PRKN: variants seen among roughly 807,000 people sequenced by gnomAD.
The protein encoded by PRKN is E3 ubiquitin-protein ligase parkin.
In PRKN, 56 loss-of-function variants were observed where a neutral mutation model predicts 59.5. That is an observed-to-expected ratio of 0.94 (90% CI 0.76 to 1.18). The LOEUF is 1.18. Among genes scored for constraint, PRKN ranks in the 50% most tolerant of loss-of-function variants. PRKN has a pLI of 0.00. For synonymous variants in PRKN, 250 were observed against 222.1 expected, an observed-to-expected ratio of 1.13 and a Z score of -1.12; for missense variants, 657 against 596.4, an observed-to-expected ratio of 1.10 and a Z score of -1.06.
At chr6:162,271,281 T>C (rs113216267) in intron 2 of PRKN, 14,655 of 152,094 alleles carry the variant, frequency 0.096, 733 homozygotes, top group African/African-American at 0.13. Context: ...CTCACGTCTG[T>C]AATCCCAGCA....
chr6:162,357,380 T>C (rs1784919849), intron 2 of PRKN, among the ~76,000 whole-genome samples: 1 of 152,158 alleles, frequency 6.6e-6, no homozygotes, highest in South Asian at 2.1e-4. Context: ...CAAGTAAGCA[T>C]ATTAAAAGAT....
chr6:162,021,461 A>ATATATATATATT (rs59250759), intron 5 of PRKN, among the ~76,000 whole-genome samples: 13 of 24,650 alleles, frequency 5.3e-4, no homozygotes, highest in African/African-American at 1.2e-3. Context: ...ATATATATAT[A>ATATATATATATT]TTTTTTTTTT....
At chr6:162,692,070 T>C (rs1057185261) in intron 1 of PRKN, among the ~76,000 whole-genome samples, 1 of 152,096 alleles carries the variant, frequency 6.6e-6, no homozygotes, top group Non-Finnish European at 1.5e-5. Flanking sequence ...TTTGTTGCCA[T>C]TGCTTTTGGT....
intron 1 of PRKN, among the ~76,000 whole-genome samples, chr6:162,677,632 T>C (rs557415214): frequency 1.3e-5 from 2 of 152,260 alleles, no homozygotes; most frequent in South Asian, 4.2e-4. Context: ...CTCAGACCCA[T>C]ATGACTGATT....
intron 2 of PRKN, among the ~76,000 whole-genome samples, chr6:162,353,354 T>A (rs555751279): frequency 1.3e-5 from 2 of 151,120 alleles, no homozygotes; most frequent in South Asian, 2.1e-4. Context: ...TTACTGGAAC[T>A]GCTAAAAAAA....
chr6:162,438,215 C>A (rs1041017791), intron 2 of PRKN, among the ~76,000 whole-genome samples: 1 of 152,178 alleles, frequency 6.6e-6, no homozygotes, highest in Non-Finnish European at 1.5e-5. Flanking sequence ...AGAAATCTTA[C>A]CTTTCCTTGC....
At chr6:161,646,508 G>A (rs1400320277) in intron 7 of PRKN, among the ~76,000 whole-genome samples, 2 of 130,728 alleles carry the variant, frequency 1.5e-5, no homozygotes, top group Admixed American at 7.6e-5. Flanking sequence ...AGGAGGTGGC[G>A]TATGAGTGAC....
chr6:162,338,311 G>C (rs1482086594), intron 2 of PRKN, among the ~76,000 whole-genome samples: 1 of 152,118 alleles, frequency 6.6e-6, no homozygotes, highest in Non-Finnish European at 1.5e-5. Flanking sequence ...CTCTCATGCG[G>C]AGCCGAAGCT....
intron 11 of PRKN, among the ~76,000 whole-genome samples, chr6:161,351,994 C>T (rs1181748546): frequency 1.3e-5 from 2 of 152,188 alleles, no homozygotes; most frequent in East Asian, 1.9e-4. Context: ...CACAGCCCTG[C>T]TTCAGTCGCT....
intron 9 of PRKN, among the ~76,000 whole-genome samples, chr6:161,411,735 C>T (rs1787549492): frequency 6.6e-6 from 1 of 151,724 alleles, no homozygotes; most frequent in Admixed American, 6.6e-5. Context: ...CTCATTCCTC[C>T]ACTCAGTCAT....
At chr6:162,323,045 G>A (rs1202201166) in intron 2 of PRKN, among the ~76,000 whole-genome samples, 2 of 132,226 alleles carry the variant, frequency 1.5e-5, no homozygotes, top group Non-Finnish European at 3.1e-5. Context: ...CACAGGCAGG[G>A]GAATATCACA....
At chr6:162,284,976 T>C (rs1322254184) in intron 2 of PRKN, among the ~76,000 whole-genome samples, 3 of 152,064 alleles carry the variant, frequency 2.0e-5, no homozygotes, top group African/African-American at 4.8e-5. Context: ...TTATCTAACA[T>C]GAATGGAATC....
chr6:161,959,915 G>A (rs891566141), intron 6 of PRKN, among the ~76,000 whole-genome samples: 5 of 152,172 alleles, frequency 3.3e-5, no homozygotes, highest in African/African-American at 1.2e-4. Flanking sequence ...GAAATCGGTG[G>A]TGGGTTCAGG....
At chr6:161,636,123 T>C (rs774939946) in intron 7 of PRKN, among the ~76,000 whole-genome samples, 3 of 152,192 alleles carry the variant, frequency 2.0e-5, no homozygotes, top group Non-Finnish European at 2.9e-5. Context: ...AGCACAGAGC[T>C]AGAGACAAGG....
At chr6:162,011,322 AAT>A (rs1348257444) in intron 5 of PRKN, among the ~76,000 whole-genome samples, 4 of 10,858 alleles carry the variant, frequency 3.7e-4, no homozygotes, top group African/African-American at 1.6e-3. Flanking sequence ...ATATTTTTAT[AAT>A]ATATATAATA....
intron 2 of PRKN, among the ~76,000 whole-genome samples, chr6:162,423,154 G>A (rs1789065856): frequency 6.6e-6 from 1 of 151,842 alleles, no homozygotes. Flanking sequence ...AACCATCCTG[G>A]GGTTACATTC....
intron 2 of PRKN, among the ~76,000 whole-genome samples, chr6:162,389,614 C>G (rs573497799): frequency 2.0e-5 from 3 of 152,288 alleles, no homozygotes; most frequent in Admixed American, 1.3e-4. Flanking sequence ...TGTATTGCAG[C>G]AGATACTTGG....
chr6:161,541,179 T>A (rs957214446), intron 9 of PRKN, among the ~76,000 whole-genome samples: 1 of 152,182 alleles, frequency 6.6e-6, no homozygotes, highest in African/African-American at 2.4e-5. Context: ...TCTGCACTGT[T>A]CAATACAGTA....
chr6:161,391,111 G>A lies in PRKN; in HGVS notation c.1084-4234C>T, dbSNP rs77763906. 0.016 allele frequency among the ~76,000 whole-genome samples: 2,458 copies of A among 152,186 alleles called. 28 individuals are homozygous for A. Among genetic ancestry groups the A allele is most frequent in the Non-Finnish European group, 0.026 (1,762 of 68,024 alleles). On this transcript the variant is annotated intron_variant, in intron 9 of 11. Coordinates refer to ENST00000366898, the MANE Select transcript of PRKN (RefSeq NM_004562.3). This position sits in a 1 kb window ranked among gnomAD's most constrained non-coding sequence, Gnocchi z 4.9. Reference sequence around the variant, plus strand: ...GCTGTTTCTAGAGAAAAAGCTTGCCGGGGAAGAAAGCAGACCTAGCTCCAA... The same window carrying A: ...GCTGTTTCTAGAGAAAAAGCTTGCCAGGGAAGAAAGCAGACCTAGCTCCAA...
Sources: allele counts gnomAD v4.1 joint callset (sites outside exome capture counted in the v4.1 genomes callset), GRCh38; gene constraint gnomAD v4.1.1; non-coding constraint Gnocchi (gnomAD v3.1); transcripts MANE v1.5; gene names NCBI Gene and HGNC (gene_info 2026-07-23, HGNC 2026-07-21).